Variants in ASB4 observed in about 807,000 individuals in gnomAD.
ASB4 encodes ankyrin repeat and SOCS box containing 4.
In ASB4, 35 loss-of-function variants were observed where a neutral mutation model predicts 38.6. The ratio of observed to expected loss-of-function variants is 0.91; its 90% CI spans 0.69 to 1.20. The LOEUF is 1.20. Ranked by LOEUF, ASB4 falls within the 50% of genes most tolerant of loss-of-function variation. The pLI is 0.00. For synonymous variants in ASB4, 195 were observed against 201.3 expected, an observed-to-expected ratio of 0.97 and a Z score of 0.26; for missense variants, 557 against 527.2, an observed-to-expected ratio of 1.06 and a Z score of -0.55.
At chr7:95,497,995 C>A (rs1229637166) in intron 2 of ASB4, among the ~76,000 whole-genome samples, 1 of 152,180 alleles carries the variant, frequency 6.6e-6, no homozygotes, top group African/African-American at 2.4e-5. Flanking sequence ...TAAACATTTG[C>A]ATACAGGTTT....
chr7:95,485,054 A>G (rs902376031), upstream of ASB4, among the ~76,000 whole-genome samples: 2 of 147,114 alleles, frequency 1.4e-5, no homozygotes, highest in Non-Finnish European at 3.0e-5. Flanking sequence ...ATGTGTATAT[A>G]TGTATATATA....
intron 1 of ASB4, among the ~76,000 whole-genome samples, chr7:95,493,361 AGTGTGT>A (rs199528876): frequency 0.14 from 17,404 of 120,714 alleles, 1,705 homozygotes; most frequent in East Asian, 0.41. Flanking sequence ...AAGAGATGAA[AGTGTGT>A]GTGTGTGTGT....
chr7:95,520,104 C>G (rs1246325526), intron 2 of ASB4, among the ~76,000 whole-genome samples: 1 of 152,092 alleles, frequency 6.6e-6, no homozygotes, highest in African/African-American at 2.4e-5. Flanking sequence ...AATTTCAGTG[C>G]TGGGGCATTA....
intron 2 of ASB4, among the ~76,000 whole-genome samples, chr7:95,511,158 C>G (rs1790473767): frequency 6.6e-6 from 1 of 152,136 alleles, no homozygotes; most frequent in Non-Finnish European, 1.5e-5. Context: ...ATGCCAGCTT[C>G]TTGAAGTTTT....
chr7:95,497,214 C>G (rs1202388129), intron 2 of ASB4, among the ~76,000 whole-genome samples: 1 of 152,054 alleles, frequency 6.6e-6, no homozygotes, highest in Non-Finnish European at 1.5e-5. Context: ...TATTCTGGAG[C>G]TATGCAGAAA....
intron 2 of ASB4, among the ~76,000 whole-genome samples, chr7:95,524,031 C>T (rs1790699609): frequency 6.6e-6 from 1 of 152,136 alleles, no homozygotes; most frequent in African/African-American, 2.4e-5. Context: ...AAACCCTCAC[C>T]CATGGCTTAT....
At chr7:95,527,752 A>G in intron 2 of ASB4, 61 bp from the exon 3 acceptor site, 1 of 1,459,070 alleles carries the variant, frequency 6.9e-7, no homozygotes, top group South Asian at 1.3e-5. Context: ...TTGTTTAATG[A>G]ACCTTAGGAA....
intron 2 of ASB4, among the ~76,000 whole-genome samples, chr7:95,502,179 A>G (rs2116601744): frequency 6.6e-6 from 1 of 152,064 alleles, no homozygotes; most frequent in African/African-American, 2.4e-5. Flanking sequence ...TATTTAAGGG[A>G]AAAAAAAGAA....
intron 2 of ASB4, among the ~76,000 whole-genome samples, chr7:95,498,406 G>A (rs896769777): frequency 1.3e-5 from 2 of 152,124 alleles, no homozygotes; most frequent in African/African-American, 4.8e-5. Flanking sequence ...TGTTTGTAAT[G>A]GTATCTCATT....
intron 3 of ASB4, among the ~76,000 whole-genome samples, chr7:95,535,427 G>A (rs2116657065): frequency 8.8e-6 from 1 of 113,308 alleles, no homozygotes; most frequent in Admixed American, 8.3e-5. Flanking sequence ...GTTGATTTAT[G>A]TTCTCCGAAG....
intron 2 of ASB4, among the ~76,000 whole-genome samples, chr7:95,514,570 A>C (rs1790528884): frequency 6.6e-6 from 1 of 152,168 alleles, no homozygotes; most frequent in Non-Finnish European, 1.5e-5. Context: ...GGGTACACAA[A>C]TTCTCCCTCC....
chr7:95,490,440 T>C (rs1168173994), intron 1 of ASB4, among the ~76,000 whole-genome samples: 2 of 152,222 alleles, frequency 1.3e-5, no homozygotes, highest in Non-Finnish European at 2.9e-5. Flanking sequence ...ATATTAGCTA[T>C]TAAAAAATAG....
At chr7:95,480,093 G>A (rs1053396388) in intron 1 of ASB4, among the ~76,000 whole-genome samples, 8 of 152,192 alleles carry the variant, frequency 5.3e-5, no homozygotes, top group African/African-American at 1.9e-4. Context: ...CAACCTGGAA[G>A]TGGAGGAGAC....
intron 1 of ASB4, among the ~76,000 whole-genome samples, chr7:95,491,125 A>G (rs1238541152): frequency 1.3e-5 from 2 of 152,264 alleles, no homozygotes; most frequent in East Asian, 1.9e-4. Context: ...TGGCATGCAG[A>G]TAATTAATCA....
upstream of ASB4, among the ~76,000 whole-genome samples, chr7:95,474,270 A>G (rs974106899): frequency 1.1e-4 from 17 of 152,146 alleles, no homozygotes; most frequent in African/African-American, 4.1e-4. Flanking sequence ...TTTCTTGGCT[A>G]TTTATATTTT....
At chr7:95,532,035 A>G (rs576916359) in intron 3 of ASB4, among the ~76,000 whole-genome samples, 1 of 152,300 alleles carries the variant, frequency 6.6e-6, no homozygotes, top group South Asian at 2.1e-4. Context: ...CAGACTGTGT[A>G]GGAGAGCTGG....
chr7:95,522,062 A>G (rs892155250), intron 2 of ASB4, among the ~76,000 whole-genome samples: 1 of 152,146 alleles, frequency 6.6e-6, no homozygotes, highest in Admixed American at 6.5e-5. Flanking sequence ...ACTATTTCAT[A>G]ATTCATTAAA....
At chr7:95,472,696 C>A in the ASB4 span, among the ~76,000 whole-genome samples, 1 of 152,144 alleles carries the variant, frequency 6.6e-6, no homozygotes, top group Non-Finnish European at 1.5e-5. Context: ...CTGAATTCCA[C>A]AGCAGGGTTA....
At chr7:95,515,534 G>C (rs1380520085) in intron 2 of ASB4, among the ~76,000 whole-genome samples, 1 of 151,180 alleles carries the variant, frequency 6.6e-6, no homozygotes, top group Non-Finnish European at 1.5e-5. Flanking sequence ...TCTTGCCTCA[G>C]CCTCCAGAGT....
Sources: gnomAD v4.1 joint callset for allele counts (sites outside exome capture counted in the v4.1 genomes callset) on GRCh38, gnomAD v4.1.1 for gene constraint, MANE v1.5 for transcripts, NCBI Gene and HGNC (gene_info 2026-07-23, HGNC 2026-07-21) for gene names.